The following NEK10 variants were observed in gnomAD, a reference collection of about 807,000 sequenced individuals.
The protein encoded by NEK10 is NIMA related kinase 10, also known as serine/threonine-protein kinase Nek10.
Under a neutral mutation model 159.8 loss-of-function variants are expected in NEK10, and 122 were observed. That is an observed-to-expected ratio of 0.76 (90% CI 0.66 to 0.89). NEK10 has a LOEUF of 0.89. NEK10 is among the 40% of genes least tolerant of loss of function. NEK10 has a pLI of 0.00. For missense variants in NEK10, 1,342 were observed against 1,323.1 expected (o/e 1.01, Z -0.22); for synonymous variants, 466 against 457.1 (o/e 1.02, Z -0.25).
chr3:27,180,982 C>T (rs567846929), intron 26 of NEK10, among the ~76,000 whole-genome samples: 3 of 152,240 alleles, frequency 2.0e-5, no homozygotes, highest in East Asian at 1.9e-4. Context: ...CTTCACCGCA[C>T]GCTGGACACA....
chr3:27,119,613 A>G, intron 33 of NEK10, 147 bp downstream of exon 33: 1 of 566,586 alleles, frequency 1.8e-6, no homozygotes, highest in South Asian at 3.0e-5. Context: ...CTAGATTCCT[A>G]CCATATGTGC....
chr3:27,174,913 A>G (rs1237162642), intron 26 of NEK10, 80 bp from the exon 27 acceptor site: 4 of 1,156,560 alleles, frequency 3.5e-6, no homozygotes, highest in Non-Finnish European at 4.9e-6. Flanking sequence ...TAGAACATAT[A>G]TTAACTGCTT....
intron 31 of NEK10, among the ~76,000 whole-genome samples, chr3:27,140,765 T>A (rs1452347528): frequency 6.6e-6 from 1 of 152,178 alleles, no homozygotes; most frequent in African/African-American, 2.4e-5. Context: ...GTCCCTAGAA[T>A]AGCATCTGGC....
intron 5 of NEK10, among the ~76,000 whole-genome samples, 170 bp downstream of exon 5, chr3:27,344,102 A>T (rs1251045554): frequency 6.6e-6 from 1 of 152,134 alleles, no homozygotes. Flanking sequence ...TAAATTCAGT[A>T]CCTAATCAGT....
intron 23 of NEK10, among the ~76,000 whole-genome samples, chr3:27,244,479 G>A (rs1954862761): frequency 6.6e-6 from 1 of 152,130 alleles, no homozygotes; most frequent in African/African-American, 2.4e-5. Flanking sequence ...TTTAAAGTGA[G>A]CACAATATTA....
At chr3:27,162,806 A>C in intron 29 of NEK10, 68 bp from the exon 30 acceptor site, 1 of 1,606,862 alleles carries the variant, frequency 6.2e-7, no homozygotes, top group African/African-American at 1.3e-5. Flanking sequence ...AAGAGCCTAC[A>C]TCTTGCTATG....
At chr3:27,247,820 C>CTTTTCT (rs1553602475) in intron 23 of NEK10, among the ~76,000 whole-genome samples, 388 of 125,900 alleles carry the variant, frequency 3.1e-3, no homozygotes, top group African/African-American at 0.01. Flanking sequence ...CTTTTCTTTT[C>CTTTTCT]TTTTTTTTTT....
At chr3:27,176,394 C>T (rs1209354777) in intron 26 of NEK10, among the ~76,000 whole-genome samples, 1 of 152,212 alleles carries the variant, frequency 6.6e-6, no homozygotes, top group African/African-American at 2.4e-5. Flanking sequence ...GGCTAACTTA[C>T]AACCTGAGAC....
rs963197020 is a variant in NEK10 at position 27,110,902 on chromosome 3, G to A, written c.*370C>T. On this transcript the variant is annotated 3_prime_UTR_variant, in exon 36 of 36. Coordinates refer to ENST00000691995, the MANE Select transcript of NEK10 (RefSeq NM_001394966.1). ...CTTTTAGCAATTCTGAGTATCAAATGTGCCTTTGAAAAATATGACAAGTTT... is the reference window on the plus strand; with the variant it reads ...CTTTTAGCAATTCTGAGTATCAAATATGCCTTTGAAAAATATGACAAGTTT... The A allele has an allele frequency of 1.2e-5, 2 of 168,050 alleles. No homozygotes were observed. Among genetic ancestry groups the A allele is most frequent in the Non-Finnish European group, 2.5e-5 (2 of 78,860 alleles). 10.4% of individuals were successfully genotyped at this position (168,050 alleles called of 1,614,324 possible).
chr3:27,138,546 C>G (rs1238691835), intron 31 of NEK10, among the ~76,000 whole-genome samples: 4 of 152,174 alleles, frequency 2.6e-5, no homozygotes, highest in African/African-American at 9.7e-5. Context: ...CTCTTCCCCT[C>G]CCTAGTAGAT....
chr3:27,237,704 G>C (rs1055546246), intron 23 of NEK10, among the ~76,000 whole-genome samples: 2 of 152,012 alleles, frequency 1.3e-5, no homozygotes, highest in Non-Finnish European at 2.9e-5. Context: ...CTATATATTG[G>C]ATAGAGTGTA....
chr3:27,348,599 G>C (rs973937740), intron 3 of NEK10, among the ~76,000 whole-genome samples: 4 of 152,154 alleles, frequency 2.6e-5, no homozygotes, highest in African/African-American at 9.7e-5. Context: ...TCTGCAGCCT[G>C]TTACTCCTGA....
intron 30 of NEK10, among the ~76,000 whole-genome samples, chr3:27,154,071 GAA>G (rs1945160078): frequency 6.6e-6 from 1 of 151,996 alleles, no homozygotes; most frequent in Admixed American, 6.6e-5. Context: ...GATTAATCAA[GAA>G]AAGAGAGAAA....
intron 5 of NEK10, among the ~76,000 whole-genome samples, chr3:27,342,567 C>A (rs2047272176): frequency 6.6e-6 from 1 of 152,192 alleles, no homozygotes; most frequent in South Asian, 2.1e-4. Flanking sequence ...CTTCCAGGTA[C>A]TGCTCATGTT....
chr3:27,303,612 G>A (rs580057), intron 12 of NEK10, among the ~76,000 whole-genome samples: 96,762 of 152,094 alleles, frequency 0.64, 33,065 homozygotes, highest in African/African-American at 0.91. Flanking sequence ...TGAAGCAAGT[G>A]GGTTGTCAAC....
rs2044122415 is a variant in NEK10 at position 27,304,976 on chromosome 3, A to G, written c.804-5T>C. On this transcript the variant is annotated splice_polypyrimidine_tract_variant and splice_region_variant and intron_variant, in intron 11 of 35. Transcript: ENST00000691995. ...CGCAGCAACTCCGCTGTTAGTCTGA[A>G]AGGGGTACAGAGGGTGGGGTGAGAA... 6.3e-7 allele frequency: 1 copy of G among 1,586,506 alleles called. No individual in the cohort carries two copies. The highest frequency in any genetic ancestry group is 8.6e-7 in the Non-Finnish European group (1 of 1,157,192).
intron 30 of NEK10, among the ~76,000 whole-genome samples, chr3:27,156,931 TATATA>T (rs1326889362): frequency 3.8e-4 from 2 of 5,300 alleles, no homozygotes; most frequent in African/African-American, 2.0e-3. Context: ...AAGAAACTGA[TATATA>T]TATATATATA....
chr3:27,274,222 T>C lies in NEK10; in HGVS notation c.2014+10380A>G, dbSNP rs192837769. Among the ~76,000 whole-genome samples, 225 of 152,290 alleles carry C rather than the reference T, an allele frequency of 1.5e-3. 1 individual carries two copies. Among genetic ancestry groups the C allele is most frequent in the African/African-American group, 5.3e-3 (220 of 41,562 alleles). On this transcript the variant is annotated intron_variant, in intron 22 of 35. Transcript: ENST00000691995. ...ATGAGGGAGAGGGAAGGAACTTCTG[T>C]TTCTCAACAGCATCATTATTTGCTT...
intron 29 of NEK10, among the ~76,000 whole-genome samples, chr3:27,170,610 T>C (rs1946885184): frequency 6.6e-6 from 1 of 152,120 alleles, no homozygotes; most frequent in African/African-American, 2.4e-5. Context: ...CAGGTGCCTG[T>C]AATCTCAGCT....
Sources: gnomAD v4.1 joint callset for allele counts (sites outside exome capture counted in the v4.1 genomes callset) on GRCh38, gnomAD v4.1.1 for gene constraint, MANE v1.5 for transcripts, NCBI Gene and HGNC (gene_info 2026-07-23, HGNC 2026-07-21) for gene names.